TCF20: variants seen among roughly 807,000 people sequenced by gnomAD.
TCF20 encodes transcription factor 20, also known as SPRE-binding protein.
In TCF20, 3 loss-of-function variants were observed where a neutral mutation model predicts 148.6. The observed-to-expected ratio is 0.02, with a 90% CI of 0.01 to 0.05. TCF20 has a LOEUF of 0.05. Ranked by LOEUF, TCF20 falls within the 10% of genes least tolerant of loss-of-function variation. The pLI is 1.00. For missense variants in TCF20, 2,350 were observed against 2,429.3 expected, an observed-to-expected ratio of 0.97 and a Z score of 0.69; for synonymous variants, 1,049 against 909.5, an observed-to-expected ratio of 1.15 and a Z score of -2.76.
chr22:42,339,957 C>T (rs1928135505), intron 1 of TCF20, among the ~76,000 whole-genome samples: 1 of 151,482 alleles, frequency 6.6e-6, no homozygotes, highest in African/African-American at 2.4e-5. Context: ...GGGCCTCAGT[C>T]CCTGCATACT....
intron 1 of TCF20, among the ~76,000 whole-genome samples, chr22:42,306,280 T>C (rs941797978): frequency 6.6e-5 from 10 of 152,238 alleles, no homozygotes; most frequent in Non-Finnish European, 1.0e-4. Context: ...CCACCTGCAA[T>C]TCTCCTTCCA....
At chr22:42,162,738 CAA>C (rs1344463157) in intron 5 of TCF20, among the ~76,000 whole-genome samples, 1 of 152,178 alleles carries the variant, frequency 6.6e-6, no homozygotes, top group African/African-American at 2.4e-5. Context: ...CCCAAGAACC[CAA>C]GTGTCACCAG....
intron 2 of TCF20, among the ~76,000 whole-genome samples, chr22:42,197,565 G>T (rs1199590432): frequency 6.6e-6 from 1 of 152,008 alleles, no homozygotes; most frequent in Non-Finnish European, 1.5e-5. Context: ...CTTGTGATCC[G>T]CCCGTCTCGG....
chr22:42,239,969 T>C (rs1375874407), intron 1 of TCF20, among the ~76,000 whole-genome samples: 2 of 152,106 alleles, frequency 1.3e-5, no homozygotes, highest in African/African-American at 2.4e-5. Flanking sequence ...AATCCCACAA[T>C]ATCTGTGAAG....
intron 1 of TCF20, among the ~76,000 whole-genome samples, chr22:42,318,132 T>C (rs1927666795): frequency 6.6e-6 from 1 of 152,256 alleles, no homozygotes; most frequent in South Asian, 2.1e-4. Flanking sequence ...GCTCGCCAGG[T>C]ATGATTTGCA....
chr22:42,263,917 A>T (rs144845925), intron 1 of TCF20, among the ~76,000 whole-genome samples: 110 of 152,312 alleles, frequency 7.2e-4, no homozygotes, highest in African/African-American at 2.6e-3. Flanking sequence ...ATAAAGCCAC[A>T]TAACTTTGGG....
chr22:42,186,022 C>T (rs1393182440), intron 2 of TCF20, among the ~76,000 whole-genome samples: 2 of 152,238 alleles, frequency 1.3e-5, no homozygotes, highest in Admixed American at 1.3e-4. Context: ...TTATGTCCTA[C>T]AGCTGCTCCG....
At chr22:42,198,565 G>A (rs938918087) in intron 2 of TCF20, among the ~76,000 whole-genome samples, 4 of 152,050 alleles carry the variant, frequency 2.6e-5, no homozygotes, top group Admixed American at 1.3e-4. Context: ...CTAATATGAT[G>A]TAGCTAATGC....
At chr22:42,251,928 G>A (rs1243012804) in intron 1 of TCF20, among the ~76,000 whole-genome samples, 1 of 151,976 alleles carries the variant, frequency 6.6e-6, no homozygotes, top group Non-Finnish European at 1.5e-5. Flanking sequence ...TTTAGGCCAG[G>A]CGCAGTGGCT....
At position 42,213,290 on chromosome 22, in the gene TCF20, G is replaced by A. The variant is rs1164205505; in HGVS notation, c.2016C>T (p.Asn672=). 6.2e-7 allele frequency: 1 copy of A among 1,614,088 alleles called. No homozygotes were observed. Among genetic ancestry groups the A allele is most frequent in the African/African-American group, 1.3e-5 (1 of 74,940 alleles). The change falls in exon 2 of 6, where the codon AAC becomes AAT. Residue 672 remains asparagine, a synonymous_variant. Coordinates refer to ENST00000677622, the MANE Select transcript of TCF20 (RefSeq NM_001378418.1). ...GSKGNKNGDN[N]SNHNGEGNGQ... ...CATTTCCTTCTCCATTATGGTTGGA[G>A]TTGTTATCGCCATTCTTGTTTCCTT...
intron 1 of TCF20, among the ~76,000 whole-genome samples, chr22:42,219,377 A>AAAAAAAAAAAAAAAAAAAAAC (rs1922136824): frequency 7.0e-6 from 1 of 142,552 alleles, no homozygotes; most frequent in African/African-American, 2.6e-5. Context: ...AAAAAAAAAA[A>AAAAAAAAAAAAAAAAAAAAAC]AAAAGCTAAT....
intron 1 of TCF20, among the ~76,000 whole-genome samples, chr22:42,223,154 A>T (rs1407125281): frequency 6.6e-6 from 1 of 152,206 alleles, no homozygotes; most frequent in Non-Finnish European, 1.5e-5. Context: ...TGTCCCAGTA[A>T]ATAAATAAAT....
intron 1 of TCF20, chr22:42,278,232 C>T (rs753380694): frequency 2.6e-5 from 4 of 152,176 alleles, no homozygotes; most frequent in Non-Finnish European, 4.4e-5. Flanking sequence ...AAAGTGCTCT[C>T]AAGGTTACAA....
chr22:42,287,337 G>C (rs134900), upstream of TCF20, among the ~76,000 whole-genome samples: 55,735 of 151,996 alleles, frequency 0.37, 11,404 homozygotes, highest in South Asian at 0.47. Context: ...GAATCATCTA[G>C]TTCAACCATT....
intron 1 of TCF20, among the ~76,000 whole-genome samples, chr22:42,325,010 G>C (rs1192387910): frequency 2.0e-5 from 3 of 152,254 alleles, no homozygotes; most frequent in East Asian, 1.9e-4. Flanking sequence ...TGAGAGTGCA[G>C]ACCCGGATGC....
chr22:42,304,757 T>C (rs145604073), intron 1 of TCF20, among the ~76,000 whole-genome samples: 20 of 152,118 alleles, frequency 1.3e-4, no homozygotes, highest in African/African-American at 4.8e-4. Flanking sequence ...CTTCCTGGTG[T>C]CCACTCCTCC....
chr22:42,244,900 C>T (rs376911845), intron 1 of TCF20, among the ~76,000 whole-genome samples: 8 of 149,354 alleles, frequency 5.4e-5, no homozygotes, highest in African/African-American at 7.5e-5. Flanking sequence ...GACAACATGG[C>T]GAAACCCCAT....
At chr22:42,238,577 C>T (rs1924088773) in intron 1 of TCF20, among the ~76,000 whole-genome samples, 1 of 152,178 alleles carries the variant, frequency 6.6e-6, no homozygotes, top group South Asian at 2.1e-4. Context: ...TCATTTCTAG[C>T]TTCTGATTTA....
At chr22:42,333,978 C>T in intron 1 of TCF20, among the ~76,000 whole-genome samples, 1 of 152,242 alleles carries the variant, frequency 6.6e-6, no homozygotes, top group East Asian at 1.9e-4. Flanking sequence ...CCTGTGGGAA[C>T]AGGCTCACAA....
Sources: gnomAD v4.1 joint callset for allele counts (sites outside exome capture counted in the v4.1 genomes callset) on GRCh38, gnomAD v4.1.1 for gene constraint, MANE v1.5 for transcripts, NCBI Gene and HGNC (gene_info 2026-07-23, HGNC 2026-07-21) for gene names.